SYTL2: variants seen among roughly 807,000 people sequenced by gnomAD.
SYTL2 encodes synaptotagmin-like protein 2.
A neutral mutation model predicts 198.7 loss-of-function variants in SYTL2; 165 were observed. That is an observed-to-expected ratio of 0.83 (90% CI 0.73 to 0.94). The LOEUF (loss-of-function observed/expected upper bound fraction) is 0.94, where lower values mean the gene tolerates loss of function less well. Ranked by LOEUF, SYTL2 falls within the 40% of genes least tolerant of loss-of-function variation. SYTL2 has a pLI of 0.00. For missense variants in SYTL2, 2,835 were observed against 2,582.8 expected, an observed-to-expected ratio of 1.10 and a Z score of -2.12; for synonymous variants, 966 against 917.7, an observed-to-expected ratio of 1.05 and a Z score of -0.95.
At position 85,727,491 on chromosome 11, in the gene SYTL2, T is replaced by G. The variant is rs1252145445; in HGVS notation, c.1867A>C (p.Thr623Pro). 7 of 1,535,816 alleles carry G rather than the reference T, an allele frequency of 4.6e-6. No homozygotes were observed. The highest frequency in any genetic ancestry group is 6.1e-6 in the Non-Finnish European group (7 of 1,146,848). The change falls in exon 8 of 20, where the codon ACC becomes CCC. Residue 623 changes from threonine (T) to proline (P), a missense_variant. Physicochemically the swap from Thr to Pro is conservative, Grantham distance 38. Transcript: ENST00000359152. ...SKFMNLSQKG[T>P]PKEGPGILQP... ...AATATACCTGGGCCTTCCTTTGGGG[T>G]GCCTTTTTGGGACAAATTCATGAAT...
intron 18 of SYTL2, among the ~76,000 whole-genome samples, chr11:85,697,480 CAG>C (rs2153356457): frequency 6.6e-6 from 1 of 152,272 alleles, no homozygotes; most frequent in East Asian, 1.9e-4. Flanking sequence ...ATATGTATAA[CAG>C]AGAGAAGAGT....
chr11:85,846,515 G>T, the SYTL2 span, among the ~76,000 whole-genome samples: 1 of 151,884 alleles, frequency 6.6e-6, no homozygotes, highest in South Asian at 2.1e-4. Flanking sequence ...TGTACCCTCT[G>T]CTTCCAGGTC....
At chr11:85,852,048 T>G in the SYTL2 span, among the ~76,000 whole-genome samples, 1 of 152,182 alleles carries the variant, frequency 6.6e-6, no homozygotes, top group African/African-American at 2.4e-5. Flanking sequence ...CAATGATTAA[T>G]TTTTGTATAT....
At chr11:85,711,441 C>T (rs1366815795) in intron 12 of SYTL2, among the ~76,000 whole-genome samples, 1 of 152,140 alleles carries the variant, frequency 6.6e-6, no homozygotes, top group Non-Finnish European at 1.5e-5. Context: ...TGCTTAGCTA[C>T]CAAAATAACG....
chr11:85,846,990 T>A, the SYTL2 span, among the ~76,000 whole-genome samples: 1 of 152,160 alleles, frequency 6.6e-6, no homozygotes, highest in Non-Finnish European at 1.5e-5. Context: ...TGCCTCGGCC[T>A]CCCGAAGCGC....
chr11:85,754,804 G>C (rs1049850233), intron 2 of SYTL2, among the ~76,000 whole-genome samples: 9 of 152,216 alleles, frequency 5.9e-5, no homozygotes, highest in Non-Finnish European at 1.2e-4. Context: ...TTTCATCTCC[G>C]GTTCCAAGCA....
chr11:85,698,137 T>C (rs905798985), intron 17 of SYTL2, 59 bp from the exon 18 acceptor site: 3 of 1,127,436 alleles, frequency 2.7e-6, no homozygotes, highest in Admixed American at 1.7e-5. Context: ...CAATACTGCG[T>C]CCAAAGATGT....
chr11:85,779,249 G>A (rs1421221939), intron 1 of SYTL2, among the ~76,000 whole-genome samples: 1 of 152,090 alleles, frequency 6.6e-6, no homozygotes, highest in African/African-American at 2.4e-5. Context: ...TGCCATAGAA[G>A]AGTGTTCTAA....
At chr11:85,720,712 C>T (rs7116742) in intron 9 of SYTL2, 146 bp downstream of exon 9, 78,059 of 529,060 alleles carry the variant, frequency 0.15, 7,113 homozygotes, top group Non-Finnish European at 0.17. Flanking sequence ...GCCTCTTCAG[C>T]GCACTTTGGA....
intron 8 of SYTL2, among the ~76,000 whole-genome samples, chr11:85,722,425 T>G (rs184000368): frequency 1.3e-5 from 2 of 152,010 alleles, no homozygotes; most frequent in Non-Finnish European, 2.9e-5. Flanking sequence ...CTGCCCGCCT[T>G]GGCCTCCCAA....
In SYTL2 at chr11:85,757,865, G is replaced by T; in HGVS notation, c.-140C>A. ...CAGTTCTGCATCAAAGTCTTATTTT[G>T]GCTCAGCAAAAGTTTAGGGCAGCTG... On this transcript the variant is annotated 5_prime_UTR_variant, in exon 2 of 20. Transcript: ENST00000359152. 7.6e-7 allele frequency: 1 copy of T among 1,314,258 alleles called. No individual in the cohort carries two copies. Among genetic ancestry groups the T allele is most frequent in the Non-Finnish European group, 1.0e-6 (1 of 967,342 alleles). 81.4% of individuals were successfully genotyped at this position (1,314,258 alleles called of 1,614,324 possible). A position where few individuals can be genotyped will look rare whatever the true frequency, so the allele number is the denominator to read the frequency against.
At chr11:85,764,859 C>G (rs989572909) in intron 1 of SYTL2, among the ~76,000 whole-genome samples, 11 of 152,316 alleles carry the variant, frequency 7.2e-5, no homozygotes, top group Middle Eastern at 3.4e-3. Flanking sequence ...ATCCCTCGAA[C>G]CAGAAACTAT....
intron 1 of SYTL2, among the ~76,000 whole-genome samples, chr11:85,766,415 C>T (rs550157151): frequency 9.2e-5 from 14 of 152,268 alleles, no homozygotes; most frequent in South Asian, 6.2e-4. Context: ...AGAAGAGAGA[C>T]GGCAGTCTAC....
chr11:85,754,855 T>G (rs2091763007), intron 2 of SYTL2, among the ~76,000 whole-genome samples: 1 of 152,112 alleles, frequency 6.6e-6, no homozygotes. Flanking sequence ...TACTGTTCCT[T>G]TCTGAAAGAA....
chr11:85,818,016 G>A, the SYTL2 span, among the ~76,000 whole-genome samples: 16 of 150,084 alleles, frequency 1.1e-4, no homozygotes, highest in Non-Finnish European at 2.2e-4. Context: ...GATTTTCTTG[G>A]CTCAGCCTCC....
the SYTL2 span, among the ~76,000 whole-genome samples, chr11:85,819,734 T>C: frequency 6.6e-6 from 1 of 152,234 alleles, no homozygotes; most frequent in African/African-American, 2.4e-5. Flanking sequence ...CAACTTCCAT[T>C]CAACTGGATT....
intron 7 of SYTL2, 104 bp downstream of exon 7, chr11:85,733,835 A>C: frequency 2.4e-6 from 2 of 846,244 alleles, no homozygotes; most frequent in Middle Eastern, 2.8e-4. Context: ...TCCTGACCTC[A>C]TGATCCACCC....
At position 85,725,150 on chromosome 11, in the gene SYTL2, G is replaced by A. The variant is rs781672019; in HGVS notation, c.4208C>T (p.Ala1403Val). 2 of 1,614,052 alleles carry A rather than the reference G, an allele frequency of 1.2e-6. No individual in the cohort carries two copies. Among genetic ancestry groups the A allele is most frequent in the Admixed American group, 3.3e-5 (2 of 60,018 alleles). ...TAGGGGGCTACATACTGGCTGTACT[G>A]CTTCAGGAAATTCTGGGTTCACTTC... ...PGEVNPEFPE[A>V]VQPVCSPLNP... Residue 1403 changes from alanine to valine, a missense_variant, in exon 8 of 20, where the codon GCA becomes GTA. By Grantham distance (64) the Ala-to-Val change is moderately conservative. Around this residue, in one of 3 missense-constraint regions of SYTL2, gnomAD observed 2,645 missense variants for 2,381.7 expected, o/e 1.11. Coordinates refer to ENST00000359152, the MANE Select transcript of SYTL2 (RefSeq NM_206927.4).
Position 85,720,863 on chromosome 11 carries a change from G to C in SYTL2, c.5423C>G (p.Ser1808Ter). Residue 1808 changes from serine (S) to a stop codon, truncating the protein, a stop_gained, in exon 9 of 20, where the codon TCA becomes TGA. Coordinates refer to ENST00000359152, the MANE Select transcript of SYTL2 (RefSeq NM_206927.4). LOFTEE classifies it high-confidence loss of function. ...GAGGCGAACTTTATTCTCACTTGAT[G>C]AATCTGATGAAATGTCTTCTAGACT... ...SKSLEDISSDSSNQAKVDNQP... is the reference protein window; with the variant it reads ...SKSLEDISSD The C allele has an allele frequency of 6.2e-7, 1 of 1,609,964 alleles. No homozygotes were observed. Among genetic ancestry groups the C allele is most frequent in the Non-Finnish European group, 8.5e-7 (1 of 1,176,266 alleles).
Sources: allele counts gnomAD v4.1 joint callset (sites outside exome capture counted in the v4.1 genomes callset), GRCh38; gene constraint gnomAD v4.1.1; regional missense constraint gnomAD v4.1.1; transcripts MANE v1.5; gene names NCBI Gene and HGNC (gene_info 2026-07-23, HGNC 2026-07-21).